Variants in PLIN3 observed in about 807,000 individuals in gnomAD.
The protein encoded by PLIN3 is perilipin-3.
In PLIN3, 30 loss-of-function variants were observed where a neutral mutation model predicts 35.9. That is an observed-to-expected ratio of 0.84 (90% CI 0.62 to 1.13). PLIN3 has a LOEUF of 1.13. Ranked by LOEUF, PLIN3 falls within the 50% of genes most tolerant of loss-of-function variation. The pLI is 0.00. For missense variants in PLIN3, 603 were observed against 596.9 expected (o/e 1.01, Z -0.11); for synonymous variants, 261 against 262.5 (o/e 0.99, Z 0.06).
intron 7 of PLIN3, among the ~76,000 whole-genome samples, chr19:4,840,325 G>A (rs1037906024): frequency 2.0e-5 from 3 of 151,982 alleles, no homozygotes; most frequent in South Asian, 4.1e-4. Flanking sequence ...GTGCAGTGGC[G>A]TGATCATAGC....
At chr19:4,841,569 T>C (rs1460974154) in intron 7 of PLIN3, among the ~76,000 whole-genome samples, 2 of 150,378 alleles carry the variant, frequency 1.3e-5, no homozygotes, top group Non-Finnish European at 3.0e-5. Flanking sequence ...ATGCGTGACT[T>C]GTATGGTATG....
chr19:4,841,091 A>T, intron 7 of PLIN3, among the ~76,000 whole-genome samples: 1 of 152,230 alleles, frequency 6.6e-6, no homozygotes, highest in East Asian at 1.9e-4. Context: ...ATGTTAAACC[A>T]TAGAATCATC....
At chr19:4,846,525 C>T (rs1453228703) in intron 6 of PLIN3, among the ~76,000 whole-genome samples, 2 of 151,732 alleles carry the variant, frequency 1.3e-5, no homozygotes, top group Non-Finnish European at 2.9e-5. Context: ...ATAGTGAAAC[C>T]CCATCTCTAC....
chr19:4,859,251 G>A (rs777577353), intron 4 of PLIN3, among the ~76,000 whole-genome samples: 20 of 152,132 alleles, frequency 1.3e-4, no homozygotes, highest in African/African-American at 1.9e-4. Context: ...GCTGGGCACC[G>A]TGGCTCATTC....
chr19:4,855,102 T>A (rs956106563), intron 4 of PLIN3, among the ~76,000 whole-genome samples: 3 of 151,218 alleles, frequency 2.0e-5, no homozygotes, highest in African/African-American at 4.9e-5. Context: ...ATACAAAAAT[T>A]TGCTGGGCGT....
At chr19:4,850,191 G>A (rs192631676) in intron 5 of PLIN3, among the ~76,000 whole-genome samples, 43 of 151,732 alleles carry the variant, frequency 2.8e-4, no homozygotes, top group Middle Eastern at 6.8e-3. Context: ...ACCTCCACCC[G>A]CCTCAGCCTC....
chr19:4,855,192 G>C (rs148508472), intron 4 of PLIN3, among the ~76,000 whole-genome samples: 27 of 150,726 alleles, frequency 1.8e-4, no homozygotes, highest in South Asian at 8.5e-4. Flanking sequence ...AGAGGTTGCA[G>C]TGGGCTGAGA....
In PLIN3 at chr19:4,852,022, C is replaced by G. The variant is rs965437178; in HGVS notation, c.628G>C (p.Glu210Gln). 1 of 1,612,994 alleles carries G rather than the reference C, an allele frequency of 6.2e-7. No homozygotes were observed. Among genetic ancestry groups the G allele is most frequent in the East Asian group, 2.2e-5 (1 of 44,862 alleles). ...GCCCGCTGGCCACACTTACCCAGTTCGGCATCCGTAAGGGGCAGGTGGTTG... is the reference window on the plus strand; with the variant it reads ...GCCCGCTGGCCACACTTACCCAGTTGGGCATCCGTAAGGGGCAGGTGGTTG... The part of the protein sequence containing the change: ...ADNHLPLTDA[E>Q]LARIATSLDG... The change falls in exon 5 of 8, where the codon GAA (glutamate) becomes CAA (glutamine). Residue 210 changes from glutamate to glutamine, a missense_variant. Coordinates refer to ENST00000221957, the MANE Select transcript of PLIN3 (RefSeq NM_005817.5).
In PLIN3 at chr19:4,845,792, T is replaced by C. The variant is rs182575518; in HGVS notation, c.835-999A>G. 1.4e-3 allele frequency among the ~76,000 whole-genome samples: 200 copies of C among 147,440 alleles called. 1 individual carries two copies. Among genetic ancestry groups the C allele is most frequent in the African/African-American group, 4.4e-3 (176 of 39,814 alleles). ...ACAAAAAATTAGCCCAGCGTGGTGGTGGGCGCCTGTAGTCCCAGCTACTCG... is the reference window on the plus strand; with the variant it reads ...ACAAAAAATTAGCCCAGCGTGGTGGCGGGCGCCTGTAGTCCCAGCTACTCG... On this transcript the variant is annotated intron_variant, in intron 6 of 7. Coordinates refer to ENST00000221957, the MANE Select transcript of PLIN3 (RefSeq NM_005817.5).
At chr19:4,856,482 C>G (rs535452090) in intron 4 of PLIN3, among the ~76,000 whole-genome samples, 5 of 151,688 alleles carry the variant, frequency 3.3e-5, no homozygotes, top group Middle Eastern at 3.4e-3. Flanking sequence ...CGCTTGAGCC[C>G]GAGAGGCGGA....
At chr19:4,847,172 G>A (rs965668862) in intron 6 of PLIN3, among the ~76,000 whole-genome samples, 1 of 147,584 alleles carries the variant, frequency 6.8e-6, no homozygotes, top group Non-Finnish European at 1.5e-5. Context: ...ACAGGCATGA[G>A]CCACCGCACC....
At chr19:4,858,737 T>C (rs8099888) in intron 4 of PLIN3, among the ~76,000 whole-genome samples, 28,436 of 131,394 alleles carry the variant, frequency 0.22, 3,449 homozygotes, top group East Asian at 0.43. Context: ...GTTTCACTCT[T>C]GCTGCCCAGG....
Position 4,843,823 on chromosome 19 carries a change from G to GA in PLIN3, c.960+844dup, listed in dbSNP as rs1273869819. ...TGCACTCCAGCCAGGGCAACAGAGT[G>GA]AGACCCTGTCTCAAAGATAAATAAA... On this transcript the variant is annotated intron_variant, in intron 7 of 7. Transcript: ENST00000221957. Among the ~76,000 whole-genome samples the GA allele has an allele frequency of 9.2e-5, 14 of 152,316 alleles. No homozygotes were observed. The East Asian group carries it at 2.7e-3, about 29-fold the overall frequency.
chr19:4,850,334 C>T (rs1250226506), intron 5 of PLIN3, among the ~76,000 whole-genome samples: 4 of 150,832 alleles, frequency 2.7e-5, no homozygotes, highest in East Asian at 2.0e-4. Flanking sequence ...TGGAGTGCAG[C>T]GGCCCAATCT....
intron 4 of PLIN3, among the ~76,000 whole-genome samples, chr19:4,858,270 C>CAAAAAAA (rs1188330437): frequency 2.0e-5 from 1 of 51,238 alleles, no homozygotes; most frequent in African/African-American, 7.9e-5. Context: ...GACCCCGTCT[C>CAAAAAAA]AAAAAAAAAA....
At chr19:4,859,265 T>C (rs1421604726) in intron 4 of PLIN3, among the ~76,000 whole-genome samples, 7 of 152,244 alleles carry the variant, frequency 4.6e-5, no homozygotes, top group Middle Eastern at 3.4e-3. Flanking sequence ...CTCATTCCTA[T>C]AATCCCAGCA....
At position 4,839,884 on chromosome 19, in the gene PLIN3, C is replaced by T. The variant is rs569219259; in HGVS notation, c.961-348G>A. On this transcript the variant is annotated intron_variant, in intron 7 of 7. Transcript: ENST00000221957. The stretch of plus-strand genomic sequence containing the variant: ...GTTTCACCGTGTTAGCCAGGATGGT[C>T]TTGATCTCCTGACCTCGTGATCCGC... Among the ~76,000 whole-genome samples, 10 of 150,334 alleles carry T rather than the reference C, an allele frequency of 6.7e-5. No homozygotes were observed. In the Admixed American group the frequency reaches 6.7e-4, roughly 10 times the overall value.
intron 2 of PLIN3, 28 bp from the exon 3 acceptor site, chr19:4,860,052 C>T: frequency 1.9e-6 from 3 of 1,608,446 alleles, no homozygotes; most frequent in Non-Finnish European, 2.6e-6. Context: ...CTCAGGCAAA[C>T]TGGGTGGGGG....
chr19:4,857,369 A>G (rs1429867480), intron 4 of PLIN3, among the ~76,000 whole-genome samples: 1 of 151,992 alleles, frequency 6.6e-6, no homozygotes, highest in Non-Finnish European at 1.5e-5. Flanking sequence ...CAGGAGTCTG[A>G]GAACAGCCTG....
Sources: gnomAD v4.1 joint callset for allele counts (sites outside exome capture counted in the v4.1 genomes callset) on GRCh38, gnomAD v4.1.1 for gene constraint, MANE v1.5 for transcripts, NCBI Gene and HGNC (gene_info 2026-07-23, HGNC 2026-07-21) for gene names.